Variants in PDZD2 observed in about 807,000 individuals in gnomAD.
PDZD2 encodes PDZ domain containing 2.
In PDZD2, 90 loss-of-function variants were observed where a neutral mutation model predicts 220.7. The observed-to-expected ratio is 0.41, with a 90% CI of 0.34 to 0.49. The LOEUF (loss-of-function observed/expected upper bound fraction) is 0.49. Among genes scored for constraint, PDZD2 ranks in the 20% least tolerant of loss-of-function variants. PDZD2 has a pLI of 0.28. For synonymous variants in PDZD2, 1,375 were observed against 1,450.5 expected (o/e 0.95, Z 1.18); for missense variants, 3,174 against 3,608.5 (o/e 0.88, Z 3.08).
chr5:31,891,805 G>C (rs146600052), intron 2 of PDZD2, among the ~76,000 whole-genome samples: 52 of 152,326 alleles, frequency 3.4e-4, no homozygotes, highest in African/African-American at 1.2e-3. Flanking sequence ...ATGCCAGTGT[G>C]CTCAGTGGAG....
At chr5:32,038,549 CAAA>C (rs1398922194) in intron 7 of PDZD2, among the ~76,000 whole-genome samples, 1 of 151,692 alleles carries the variant, frequency 6.6e-6, no homozygotes, top group Non-Finnish European at 1.5e-5. Context: ...TAACAAAAAA[CAAA>C]AAAACAAAAG....
chr5:31,886,671 C>A (rs1401265618), intron 2 of PDZD2, among the ~76,000 whole-genome samples: 2 of 94,564 alleles, frequency 2.1e-5, no homozygotes, highest in African/African-American at 1.2e-4. Context: ...GGCACTTCTG[C>A]ATCAGGTAGA....
At chr5:31,850,795 C>A (rs1402372865) in intron 2 of PDZD2, among the ~76,000 whole-genome samples, 2 of 151,972 alleles carry the variant, frequency 1.3e-5, no homozygotes, top group Non-Finnish European at 2.9e-5. Context: ...TGCCACCATG[C>A]CTGGCTAATT....
At chr5:31,873,317 G>A (rs747987648) in intron 2 of PDZD2, among the ~76,000 whole-genome samples, 9 of 151,756 alleles carry the variant, frequency 5.9e-5, no homozygotes, top group Admixed American at 2.0e-4. Context: ...GCCTGTAGTC[G>A]CAGCTACTCA....
At chr5:31,961,234 A>C (rs944705640) in intron 2 of PDZD2, among the ~76,000 whole-genome samples, 2 of 152,142 alleles carry the variant, frequency 1.3e-5, no homozygotes, top group Non-Finnish European at 2.9e-5. Context: ...ATTGCCTTGA[A>C]ATCTGAGGCA....
intron 2 of PDZD2, among the ~76,000 whole-genome samples, chr5:31,951,020 C>T (rs1197384710): frequency 1.3e-5 from 2 of 152,126 alleles, no homozygotes; most frequent in Non-Finnish European, 2.9e-5. Flanking sequence ...TCTTGCTGTA[C>T]CTGCACATGG....
intron 1 of PDZD2, among the ~76,000 whole-genome samples, chr5:31,695,593 G>A (rs1747344788): frequency 6.6e-6 from 1 of 152,232 alleles, no homozygotes; most frequent in South Asian, 2.1e-4. Context: ...TGAAGACTGA[G>A]TTTTCTGATG....
At chr5:31,969,203 A>G (rs1020192191) in intron 2 of PDZD2, among the ~76,000 whole-genome samples, 1 of 152,040 alleles carries the variant, frequency 6.6e-6, no homozygotes, top group Non-Finnish European at 1.5e-5. Context: ...AGTGAGAAAG[A>G]TAACACCAAA....
intron 3 of PDZD2, among the ~76,000 whole-genome samples, chr5:31,991,700 T>C (rs1751221589): frequency 6.6e-6 from 1 of 152,200 alleles, no homozygotes; most frequent in Non-Finnish European, 1.5e-5. Context: ...GATTTATTTT[T>C]TACTGAACGT....
At chr5:32,033,537 C>CTGCT (rs1755283979) in intron 6 of PDZD2, among the ~76,000 whole-genome samples, 1 of 152,126 alleles carries the variant, frequency 6.6e-6, no homozygotes, top group Non-Finnish European at 1.5e-5. Flanking sequence ...AGCAAGAGCT[C>CTGCT]TCTGCTTGCA....
chr5:31,642,671 A>C (rs1403723542), intron 1 of PDZD2, among the ~76,000 whole-genome samples: 1 of 152,210 alleles, frequency 6.6e-6, no homozygotes, highest in Non-Finnish European at 1.5e-5. Flanking sequence ...GAGAGAGTAG[A>C]GAAGCTAGAT....
At chr5:31,944,026 C>T (rs1554011707) in intron 2 of PDZD2, among the ~76,000 whole-genome samples, 1 of 152,174 alleles carries the variant, frequency 6.6e-6, no homozygotes, top group Non-Finnish European at 1.5e-5. Context: ...GAGAATATGT[C>T]AGTTAGTCTG....
chr5:31,742,611 T>G (rs1561423647), intron 1 of PDZD2, among the ~76,000 whole-genome samples: 1 of 147,120 alleles, frequency 6.8e-6, no homozygotes, highest in Non-Finnish European at 1.5e-5. Flanking sequence ...AGGCTGTGGA[T>G]TCAGAGCTTC....
chr5:31,976,541 C>T (rs564138976), intron 2 of PDZD2, among the ~76,000 whole-genome samples: 1 of 152,266 alleles, frequency 6.6e-6, no homozygotes, highest in Non-Finnish European at 1.5e-5. Context: ...GTTTATTCTC[C>T]TGTTGTCTGT....
intron 19 of PDZD2, among the ~76,000 whole-genome samples, chr5:32,081,396 G>C (rs1294789403): frequency 6.6e-6 from 1 of 152,206 alleles, no homozygotes; most frequent in African/African-American, 2.4e-5. Context: ...GCTATATTTA[G>C]TTAACATGTC....
At chr5:31,658,303 A>G (rs1745629043) in intron 1 of PDZD2, among the ~76,000 whole-genome samples, 1 of 152,146 alleles carries the variant, frequency 6.6e-6, no homozygotes. Flanking sequence ...GAGGATGATC[A>G]GCGGAAACTC....
At chr5:31,645,202 G>C (rs1745089121) in intron 1 of PDZD2, among the ~76,000 whole-genome samples, 1 of 152,112 alleles carries the variant, frequency 6.6e-6, no homozygotes, top group African/African-American at 2.4e-5. Flanking sequence ...AAGGATCTAT[G>C]GTTTTAACAG....
intron 2 of PDZD2, among the ~76,000 whole-genome samples, chr5:31,808,994 A>AT (rs1754914649): frequency 6.7e-6 from 1 of 149,530 alleles, no homozygotes; most frequent in African/African-American, 2.5e-5. Context: ...AAAAAAAATA[A>AT]TAAAAATAAC....
At chr5:32,061,190 T>A (rs1739660027) in intron 14 of PDZD2, 56 bp downstream of exon 14, 2 of 1,565,542 alleles carry the variant, frequency 1.3e-6, no homozygotes, top group African/African-American at 2.7e-5. Flanking sequence ...TCCTAGGATA[T>A]CGTATACTCT....
Sources: allele counts gnomAD v4.1 joint callset (sites outside exome capture counted in the v4.1 genomes callset), GRCh38; gene constraint gnomAD v4.1.1; transcripts MANE v1.5; gene names NCBI Gene and HGNC (gene_info 2026-07-23, HGNC 2026-07-21).